GTPBP10: variants seen among roughly 807,000 people sequenced by gnomAD.
GTPBP10 encodes the protein GTP-binding protein 10.
In GTPBP10, 38 loss-of-function variants were observed where a neutral mutation model predicts 44.8. The ratio of observed to expected loss-of-function variants is 0.85; its 90% CI spans 0.65 to 1.11. GTPBP10 has a LOEUF of 1.11. Among genes scored for constraint, GTPBP10 ranks in the 50% most tolerant of loss-of-function variants. The pLI is 0.00. For synonymous variants in GTPBP10, 152 were observed against 150.6 expected (o/e 1.01, Z -0.07); for missense variants, 462 against 453.7 (o/e 1.02, Z -0.17).
intron 3 of GTPBP10, 24 bp from the exon 4 acceptor site, chr7:90,355,062 A>T (rs765112972): frequency 1.4e-6 from 2 of 1,464,344 alleles, no homozygotes; most frequent in East Asian, 2.4e-5. Flanking sequence ...CTTTGCTGTA[A>T]GTATTTCTCT....
At chr7:90,354,675 G>A (rs1343203457) in intron 3 of GTPBP10, 126 bp downstream of exon 3, 4 of 524,764 alleles carry the variant, frequency 7.6e-6, no homozygotes, top group Non-Finnish European at 1.3e-5. Flanking sequence ...TTCTATAAGA[G>A]AGCATTTTTA....
At chr7:90,379,089 T>G (rs1319641970) in intron 8 of GTPBP10, among the ~76,000 whole-genome samples, 1 of 152,214 alleles carries the variant, frequency 6.6e-6, no homozygotes, top group African/African-American at 2.4e-5. Flanking sequence ...TGGATAAAAG[T>G]AAACTTTTAA....
chr7:90,349,115 A>C (rs2115584526), intron 1 of GTPBP10, among the ~76,000 whole-genome samples: 1 of 152,350 alleles, frequency 6.6e-6, no homozygotes, highest in South Asian at 2.1e-4. Flanking sequence ...CTGTGAAATT[A>C]TAACACAACA....
rs985764437 is a variant in GTPBP10, at chr7:90,385,683, C to G, written c.*529C>G. The G allele has an allele frequency of 2.6e-5, 4 of 151,740 alleles. No individual in the cohort carries two copies. Among genetic ancestry groups the G allele is most frequent in the Admixed American group, 1.3e-4 (2 of 15,232 alleles). 9.4% of individuals were successfully genotyped at this position (151,740 alleles called of 1,614,324 possible). On this transcript the variant is annotated 3_prime_UTR_variant, in exon 10 of 10. Transcript: ENST00000222511. ...ACAGATCTTTTTTTTAGTATTATTACCTTCTGATATATGTGTCATTATTGA... is the reference window on the plus strand; with the variant it reads ...ACAGATCTTTTTTTTAGTATTATTAGCTTCTGATATATGTGTCATTATTGA...
intron 4 of GTPBP10, among the ~76,000 whole-genome samples, chr7:90,365,262 T>A (rs919016925): frequency 5.3e-5 from 8 of 152,016 alleles, no homozygotes; most frequent in Admixed American, 3.9e-4. Flanking sequence ...TATTTGGCCA[T>A]CTTGGAACCC....
chr7:90,358,296 T>C (rs1248414030), intron 4 of GTPBP10, among the ~76,000 whole-genome samples: 1 of 151,886 alleles, frequency 6.6e-6, no homozygotes, highest in African/African-American at 2.4e-5. Context: ...CACAAACAAA[T>C]GGAAATACAT....
At chr7:90,379,291 C>T (rs1037331306) in intron 8 of GTPBP10, among the ~76,000 whole-genome samples, 4 of 152,108 alleles carry the variant, frequency 2.6e-5, no homozygotes, top group African/African-American at 9.7e-5. Flanking sequence ...TTTCCATTCT[C>T]CCTGTGTCCT....
Position 90,377,514 on chromosome 7 carries a change from T to C in GTPBP10, c.599T>C (p.Val200Ala). 14 of 1,602,974 alleles carry C rather than the reference T, an allele frequency of 8.7e-6. No homozygotes were observed. Among genetic ancestry groups the C allele is most frequent in the Non-Finnish European group, 1.1e-5 (13 of 1,173,650 alleles). ...CATTTAACTTTGTATTAGATATCAG[T>C]AGCTGATCTTCCGGGTTTAATAGAA... is the stretch of plus-strand genomic sequence containing the variant. ...IMYSDFKQIS[V>A]ADLPGLIEGA... The change falls in exon 7 of 10, where the codon GTA (valine) becomes GCA (alanine). Residue 200 changes from valine (V) to alanine (A), a missense_variant. Val to Ala is a moderately conservative substitution (Grantham distance 64). Coordinates refer to ENST00000222511, the MANE Select transcript of GTPBP10 (RefSeq NM_033107.4).
chr7:90,364,925 A>G (rs184710748), intron 4 of GTPBP10, among the ~76,000 whole-genome samples: 7 of 152,324 alleles, frequency 4.6e-5, no homozygotes, highest in African/African-American at 1.4e-4. Flanking sequence ...GGACCCTCCA[A>G]GCCAGGTGCG....
intron 7 of GTPBP10, 114 bp from the exon 8 acceptor site, chr7:90,378,020 G>A: frequency 1.5e-6 from 2 of 1,295,466 alleles, no homozygotes; most frequent in Non-Finnish European, 2.1e-6. Context: ...TAAGTAACAA[G>A]TAGAGTATAG....
chr7:90,380,180 G>T (rs2115761398), intron 8 of GTPBP10, among the ~76,000 whole-genome samples: 1 of 148,436 alleles, frequency 6.7e-6, no homozygotes, highest in South Asian at 2.2e-4. Flanking sequence ...CCAAGTTCAA[G>T]TGATTCTCCA....
At chr7:90,356,703 C>G (rs1287445911) in intron 4 of GTPBP10, among the ~76,000 whole-genome samples, 1 of 151,968 alleles carries the variant, frequency 6.6e-6, no homozygotes, top group Non-Finnish European at 1.5e-5. Context: ...CATTTGTTTT[C>G]TCATCTTTAA....
intron 1 of GTPBP10, among the ~76,000 whole-genome samples, chr7:90,352,291 A>G (rs1795805200): frequency 6.6e-6 from 1 of 152,232 alleles, no homozygotes; most frequent in Non-Finnish European, 1.5e-5. Flanking sequence ...AACAGATTTT[A>G]CCTGGGGAAG....
Position 90,391,229 on chromosome 7 carries a change from T to A in GTPBP10, c.*6075T>A, listed in dbSNP as rs940219126. 1 of 152,050 alleles carries A rather than the reference T, an allele frequency of 6.6e-6. No individual in the cohort carries two copies. Among genetic ancestry groups the A allele is most frequent in the Non-Finnish European group, 1.5e-5 (1 of 68,018 alleles). The allele number at this position is 152,050 out of a possible 1,614,324, so 9.4% of individuals were successfully genotyped here. A position where few individuals can be genotyped will look rare whatever the true frequency, so the allele number is the denominator to read the frequency against. ...TCCTCATGTTGCTTAGAATAGTGTG[T>A]ATTTCAGAACTTTTCCATTTAATAT... On this transcript the variant is annotated 3_prime_UTR_variant, in exon 10 of 10. Coordinates refer to ENST00000222511, the MANE Select transcript of GTPBP10 (RefSeq NM_033107.4).
chr7:90,348,423 A>T (rs17869645), intron 1 of GTPBP10, among the ~76,000 whole-genome samples: 3 of 152,086 alleles, frequency 2.0e-5, no homozygotes, highest in Non-Finnish European at 4.4e-5. Flanking sequence ...ACACATATAA[A>T]ATATATATAT....
At chr7:90,353,683 C>G (rs1042708878) in intron 2 of GTPBP10, among the ~76,000 whole-genome samples, 5 of 152,006 alleles carry the variant, frequency 3.3e-5, no homozygotes. Context: ...AGTAGAATTA[C>G]TAAAACATTT....
intron 8 of GTPBP10, among the ~76,000 whole-genome samples, chr7:90,380,934 A>G (rs1205204649): frequency 6.6e-6 from 1 of 152,010 alleles, no homozygotes; most frequent in African/African-American, 2.4e-5. Flanking sequence ...AGTGTTCTCC[A>G]GGTTCATCCA....
At chr7:90,382,547 A>G (rs926376486) in intron 8 of GTPBP10, among the ~76,000 whole-genome samples, 3 of 152,142 alleles carry the variant, frequency 2.0e-5, no homozygotes, top group Admixed American at 6.6e-5. Flanking sequence ...CCTTTTATCT[A>G]TTATTTTACT....
rs1387056911 is a variant in GTPBP10 at position 90,346,719 on chromosome 7, A to G, written c.-23A>G. The G allele has an allele frequency of 1.2e-6, 2 of 1,614,046 alleles. No homozygotes were observed. The highest frequency in any genetic ancestry group is 2.7e-5 in the African/African-American group (2 of 74,952). ...TGCGGCTTGTGCCGCTTCCGCAAGA[A>G]GGTTTCCTGGCCTGTTGCAGCCATG... On this transcript the variant is annotated 5_prime_UTR_variant, in exon 1 of 10. Coordinates refer to ENST00000222511, the MANE Select transcript of GTPBP10 (RefSeq NM_033107.4).
Sources: gnomAD v4.1 joint callset for allele counts (sites outside exome capture counted in the v4.1 genomes callset) on GRCh38, gnomAD v4.1.1 for gene constraint, MANE v1.5 for transcripts, NCBI Gene and HGNC (gene_info 2026-07-23, HGNC 2026-07-21) for gene names.